Variants in MAP4K3 observed in about 807,000 individuals in gnomAD.
MAP4K3 encodes the protein MAPK/ERK kinase kinase kinase 3.
Under a neutral mutation model 143.5 loss-of-function variants are expected in MAP4K3, and 94 were observed. The ratio of observed to expected loss-of-function variants is 0.65; its 90% CI spans 0.55 to 0.78. The LOEUF (loss-of-function observed/expected upper bound fraction) is 0.78. Among genes scored for constraint, MAP4K3 ranks in the 30% least tolerant of loss-of-function variants. MAP4K3 has a pLI of 0.00. For synonymous variants in MAP4K3, 416 were observed against 347.2 expected (o/e 1.20, Z -2.20); for missense variants, 1,077 against 1,068.1 (o/e 1.01, Z -0.12).
Position 39,356,302 on chromosome 2 carries a change from C to T in MAP4K3, c.192G>A (p.Met64Ile). Residue 64 changes from methionine (M) to isoleucine (I), a missense_variant, in exon 3 of 34, where the codon ATG becomes ATA. This residue lies in a region of MAP4K3 where 213 missense variants were observed against 266.8 expected (regional missense o/e 0.80). Coordinates refer to ENST00000263881, the MANE Select transcript of MAP4K3 (RefSeq NM_003618.4). ...TATTTGGGTGTTTACAGTCTTTCAT[C>T]ATAATAATTTCTTGCTGCACAACTG... ...DFAVVQQEII[M>I]MKDCKHPNIV... The T allele has an allele frequency of 6.2e-7, 1 of 1,605,862 alleles. No homozygotes were observed. The highest frequency in any genetic ancestry group is 8.5e-7 in the Non-Finnish European group (1 of 1,175,862).
At chr2:39,381,237 C>A (rs1666349201) in intron 1 of MAP4K3, among the ~76,000 whole-genome samples, 1 of 152,200 alleles carries the variant, frequency 6.6e-6, no homozygotes, top group African/African-American at 2.4e-5. Flanking sequence ...GTGCTATAAA[C>A]ATCAGTGTAC....
chr2:39,302,486 A>G (rs1285915561), intron 15 of MAP4K3, among the ~76,000 whole-genome samples: 1 of 152,222 alleles, frequency 6.6e-6, no homozygotes, highest in Non-Finnish European at 1.5e-5. Flanking sequence ...AAGGAACAAA[A>G]GTGAAACCAG....
intron 1 of MAP4K3, among the ~76,000 whole-genome samples, chr2:39,395,487 T>C (rs1052618625): frequency 4.6e-5 from 7 of 152,240 alleles, no homozygotes; most frequent in African/African-American, 1.7e-4. Context: ...TGTTATACAA[T>C]AGAGAAATTA....
chr2:39,283,697 G>C (rs1390690204), intron 21 of MAP4K3: 1 of 152,138 alleles, frequency 6.6e-6, no homozygotes, highest in Non-Finnish European at 1.5e-5. Flanking sequence ...TAACACATTT[G>C]CTCACCCACA....
chr2:39,362,393 G>A (rs1665795723), intron 2 of MAP4K3, among the ~76,000 whole-genome samples: 1 of 152,088 alleles, frequency 6.6e-6, no homozygotes, highest in South Asian at 2.1e-4. Context: ...CAGCAAAGTT[G>A]CAGGATACAA....
intron 16 of MAP4K3, among the ~76,000 whole-genome samples, chr2:39,294,465 A>AT (rs1219851363): frequency 6.6e-6 from 1 of 152,248 alleles, no homozygotes; most frequent in African/African-American, 2.4e-5. Context: ...ATATTATCTT[A>AT]TTCACAAAGC....
chr2:39,294,675 T>A (rs1408366596), intron 16 of MAP4K3, among the ~76,000 whole-genome samples: 1 of 152,250 alleles, frequency 6.6e-6, no homozygotes, highest in East Asian at 1.9e-4. Context: ...CAGTACTTAT[T>A]TCAAAGTGGC....
intron 1 of MAP4K3, among the ~76,000 whole-genome samples, chr2:39,384,649 C>T (rs1666445618): frequency 6.6e-6 from 1 of 152,176 alleles, no homozygotes; most frequent in African/African-American, 2.4e-5. Flanking sequence ...TACATTAGCC[C>T]CATACCACAT....
chr2:39,268,923 A>T (rs546579688), intron 26 of MAP4K3, among the ~76,000 whole-genome samples: 41 of 151,832 alleles, frequency 2.7e-4, no homozygotes, highest in South Asian at 6.2e-4. Context: ...TCTTTTTTTT[A>T]AAAAAATAAT....
At chr2:39,356,115 T>C (rs367881061) in intron 3 of MAP4K3, 134 bp downstream of exon 3, 56 of 595,670 alleles carry the variant, frequency 9.4e-5, no homozygotes, top group Non-Finnish European at 1.4e-4. Context: ...AAAAATTCCA[T>C]TGGTATGAAA....
At chr2:39,409,259 C>T (rs558852302) in intron 1 of MAP4K3, among the ~76,000 whole-genome samples, 2 of 152,280 alleles carry the variant, frequency 1.3e-5, no homozygotes, top group African/African-American at 2.4e-5. Flanking sequence ...AAGAAATACA[C>T]GTTAATTAAC....
At chr2:39,414,923 T>G (rs935428873) in intron 1 of MAP4K3, among the ~76,000 whole-genome samples, 1 of 151,950 alleles carries the variant, frequency 6.6e-6, no homozygotes, top group Non-Finnish European at 1.5e-5. Flanking sequence ...GAACCTTGTA[T>G]GAAAGCCAAG....
At chr2:39,251,690 C>T in intron 33 of MAP4K3, 140 bp downstream of exon 33, 1 of 661,844 alleles carries the variant, frequency 1.5e-6, no homozygotes, top group Non-Finnish European at 2.6e-6. Context: ...AACTTTCTGA[C>T]CTGTGAATTC....
At chr2:39,351,874 T>C (rs1665470114) in intron 3 of MAP4K3, among the ~76,000 whole-genome samples, 1 of 152,180 alleles carries the variant, frequency 6.6e-6, no homozygotes, top group Non-Finnish European at 1.5e-5. Flanking sequence ...TTTTGCCACG[T>C]TGGCCAGGCT....
intron 1 of MAP4K3, among the ~76,000 whole-genome samples, chr2:39,402,027 G>C (rs2148608342): frequency 6.6e-6 from 1 of 152,124 alleles, no homozygotes; most frequent in East Asian, 1.9e-4. Flanking sequence ...AGAATTAGTA[G>C]AAACATTAAA....
chr2:39,416,110 T>C (rs1337538011), intron 1 of MAP4K3, among the ~76,000 whole-genome samples: 2 of 149,544 alleles, frequency 1.3e-5, no homozygotes, highest in South Asian at 2.1e-4. Context: ...AATTATATGG[T>C]AAATTGTATG....
chr2:39,357,825 T>C (rs1264646563), intron 2 of MAP4K3, among the ~76,000 whole-genome samples: 1 of 152,238 alleles, frequency 6.6e-6, no homozygotes, highest in Non-Finnish European at 1.5e-5. Context: ...TCTGGACTTT[T>C]AGTTTCTCAC....
chr2:39,289,890 G>T (rs547014269), intron 19 of MAP4K3, among the ~76,000 whole-genome samples: 34 of 152,150 alleles, frequency 2.2e-4, no homozygotes, highest in Non-Finnish European at 4.3e-4. Flanking sequence ...TTTGAGCCAA[G>T]CCTGGCCAAC....
At chr2:39,375,632 G>A (rs915971188) in intron 2 of MAP4K3, among the ~76,000 whole-genome samples, 30 of 152,172 alleles carry the variant, frequency 2.0e-4, no homozygotes, top group Admixed American at 5.9e-4. Context: ...TAAGGCATAC[G>A]TTTAAATTGG....
Sources: allele counts gnomAD v4.1 joint callset (sites outside exome capture counted in the v4.1 genomes callset), GRCh38; gene constraint gnomAD v4.1.1; regional missense constraint gnomAD v4.1.1; transcripts MANE v1.5; gene names NCBI Gene and HGNC (gene_info 2026-07-23, HGNC 2026-07-21).